RAB39A: variants seen among roughly 807,000 people sequenced by gnomAD.
RAB39A encodes RAB39A, member RAS oncogene family, also known as ras-related protein Rab-39A.
RAB39A carries 17 observed loss-of-function variants against 20.9 expected under a neutral mutation model. The observed-to-expected ratio is 0.81, with a 90% CI of 0.56 to 1.22. RAB39A has a LOEUF of 1.22. Among genes scored for constraint, RAB39A ranks in the 50% most tolerant of loss-of-function variants. The probability of loss-of-function intolerance (pLI) is 0.00; values close to 1 mark genes in which losing one functional copy is unlikely to be tolerated. For synonymous variants in RAB39A, 99 were observed against 103.4 expected, an observed-to-expected ratio of 0.96 and a Z score of 0.26; for missense variants, 234 against 270.5, an observed-to-expected ratio of 0.87 and a Z score of 0.95.
intron 1 of RAB39A, among the ~76,000 whole-genome samples, chr11:107,941,127 T>G (rs930040639): frequency 1.3e-5 from 2 of 152,170 alleles, no homozygotes; most frequent in African/African-American, 4.8e-5. Context: ...CAGTAGCATT[T>G]TCAACATGAT....
rs1412417100 is a variant in RAB39A at position 107,946,424 on chromosome 11, GTGTGTGTGTGTGTATATATA to G, written c.228-15520_228-15501del. 1.9e-3 allele frequency among the ~76,000 whole-genome samples: 37 copies of G among 19,064 alleles called. 1 individual carries two copies. The South Asian group carries it at 0.02, about 10-fold the overall frequency. 12.5% of individuals were successfully genotyped at this position (19,064 alleles called of 152,430 possible). The stretch of plus-strand genomic sequence containing the variant: ...TGTGTGTGTGTGTGTGTGTGTGTGT[GTGTGTGTGTGTGTATATATA>G]TATATATATATATATATTTTTTTTT... On this transcript the variant is annotated intron_variant, in intron 1 of 1. Transcript: ENST00000320578.
chr11:107,946,157 A>AAAACAAACAAAC lies in RAB39A; in HGVS notation c.228-15779_228-15768dup, dbSNP rs542265403. 4.0e-3 allele frequency among the ~76,000 whole-genome samples: 595 copies of AAAACAAACAAAC among 150,164 alleles called. 4 individuals are homozygous for AAAACAAACAAAC. The highest frequency in any genetic ancestry group is 0.014 in the African/African-American group (564 of 41,070). ...ATTTGTCATGTGAAACCTAGGGACC[A>AAAACAAACAAAC]AAACAAACAAACAAACAAACAGGAA... On this transcript the variant is annotated intron_variant, in intron 1 of 1. Transcript: ENST00000320578.
At chr11:107,947,807 CAAAAAAAAAAAAA>C (rs35694249) in intron 1 of RAB39A, among the ~76,000 whole-genome samples, 20 of 80,224 alleles carry the variant, frequency 2.5e-4, no homozygotes, top group East Asian at 2.4e-3. Flanking sequence ...CATCAACAGG[CAAAAAAAAAAAAA>C]AAAAAAAAAA....
Position 107,962,112 on chromosome 11 carries a change from G to T in RAB39A, c.394G>T (p.Ala132Ser). The T allele has an allele frequency of 6.2e-7, 1 of 1,614,126 alleles. No individual in the cohort carries two copies. Among genetic ancestry groups the T allele is most frequent in the Non-Finnish European group, 8.5e-7 (1 of 1,180,022 alleles). Residue 132 changes from alanine to serine, a missense_variant, in exon 2 of 2, where the codon GCT becomes TCT. Physicochemically the swap from Ala to Ser is moderately conservative, Grantham distance 99. Coordinates refer to ENST00000320578, the MANE Select transcript of RAB39A (RefSeq NM_017516.3). Reference sequence around the variant, plus strand: ...GCTAGTGGGACATAAATGTGATTTAGCTTCACAACGTCAAGTTACAAGGGA... The same window carrying T: ...GCTAGTGGGACATAAATGTGATTTATCTTCACAACGTCAAGTTACAAGGGA... ...FLLVGHKCDL[A>S]SQRQVTREEA...
At chr11:107,929,943 C>T (rs986822959) in intron 1 of RAB39A, among the ~76,000 whole-genome samples, 7 of 152,188 alleles carry the variant, frequency 4.6e-5, no homozygotes, top group African/African-American at 1.7e-4. Flanking sequence ...TTGTGAAATG[C>T]AGTGTTCCAT....
intron 1 of RAB39A, among the ~76,000 whole-genome samples, chr11:107,941,059 A>G (rs1861253293): frequency 6.6e-6 from 1 of 152,210 alleles, no homozygotes; most frequent in Non-Finnish European, 1.5e-5. Context: ...AAGAGAAGAC[A>G]TTATGAAGAA....
chr11:107,949,814 C>T (rs1227596539), intron 1 of RAB39A, among the ~76,000 whole-genome samples: 1 of 152,162 alleles, frequency 6.6e-6, no homozygotes, highest in African/African-American at 2.4e-5. Flanking sequence ...TTCTGCCTTC[C>T]AGAATCCACT....
At position 107,928,905 on chromosome 11, in the gene RAB39A, C is replaced by A; in HGVS notation, c.227+110C>A. ...CTGGTCGGGAGAGGCTCTGGCCCTT[C>A]CCTCTCGAAAGTGCAAACACTCCAT... On this transcript the variant is annotated intron_variant, in intron 1 of 1. Coordinates refer to ENST00000320578, the MANE Select transcript of RAB39A (RefSeq NM_017516.3). This position sits in a 1 kb window ranked among gnomAD's most constrained non-coding sequence, Gnocchi z 4.9. The A allele has an allele frequency of 2.3e-6, 2 of 855,016 alleles. No homozygotes were observed. The highest frequency in any genetic ancestry group is 3.4e-6 in the Non-Finnish European group (2 of 583,194). 53.0% of individuals were successfully genotyped at this position (855,016 alleles called of 1,614,324 possible).
intron 1 of RAB39A, among the ~76,000 whole-genome samples, chr11:107,947,822 A>AAAAAAAAAAAAAAAAAAAAAAC (rs1861334415): frequency 6.6e-6 from 1 of 151,442 alleles, no homozygotes; most frequent in Non-Finnish European, 1.5e-5. Context: ...AAAAAAAAAA[A>AAAAAAAAAAAAAAAAAAAAAAC]AAAAAAAAGA....
rs1861110495 is a variant in RAB39A, at chr11:107,928,903, T to G, written c.227+108T>G. On this transcript the variant is annotated intron_variant, in intron 1 of 1. Transcript: ENST00000320578. The surrounding 1 kb of genome is among the most constrained non-coding windows in gnomAD (Gnocchi z 4.9). The stretch of plus-strand genomic sequence containing the variant: ...CCCTGGTCGGGAGAGGCTCTGGCCC[T>G]TCCCTCTCGAAAGTGCAAACACTCC... The G allele has an allele frequency of 1.2e-6, 1 of 866,518 alleles. No individual in the cohort carries two copies. Among genetic ancestry groups the G allele is most frequent in the Non-Finnish European group, 1.7e-6 (1 of 592,328 alleles). The allele number at this position is 866,518 out of a possible 1,614,324, so 53.7% of individuals were successfully genotyped here.
At position 107,928,684 on chromosome 11, in the gene RAB39A, C is replaced by G. The variant is rs761233754; in HGVS notation, c.116C>G (p.Pro39Arg). The change falls in exon 1 of 2, where the codon CCC becomes CGC. Residue 39 changes from proline (P) to arginine (R), a missense_variant. Coordinates refer to ENST00000320578, the MANE Select transcript of RAB39A (RefSeq NM_017516.3). The surrounding 1 kb of genome is among the most constrained non-coding windows in gnomAD (Gnocchi z 4.9). ...TQGRFPGLRS[P>R]ACDPTVGVDF... Reference sequence around the variant, plus strand: ...GGCCGCTTCCCCGGGCTGCGCTCCCCCGCCTGCGACCCCACCGTCGGCGTG... The same window carrying G: ...GGCCGCTTCCCCGGGCTGCGCTCCCGCGCCTGCGACCCCACCGTCGGCGTG... 6.2e-7 allele frequency: 1 copy of G among 1,612,206 alleles called. No homozygotes were observed. The highest frequency in any genetic ancestry group is 8.5e-7 in the Non-Finnish European group (1 of 1,179,074).
intron 1 of RAB39A, among the ~76,000 whole-genome samples, chr11:107,953,522 C>T (rs1295650251): frequency 1.2e-4 from 19 of 152,146 alleles, no homozygotes; most frequent in Admixed American, 1.2e-3. Context: ...CACCCCCTGC[C>T]ATAAGAAGCT....
chr11:107,943,298 G>C (rs371620533), intron 1 of RAB39A, among the ~76,000 whole-genome samples: 1 of 152,014 alleles, frequency 6.6e-6, no homozygotes, highest in Non-Finnish European at 1.5e-5. Flanking sequence ...CAGGCTGGGC[G>C]CAGTGGCTCA....
At chr11:107,946,430 GTGTGTGTATATA>G (rs1431232225) in intron 1 of RAB39A, among the ~76,000 whole-genome samples, 1,320 of 22,790 alleles carry the variant, frequency 0.058, 10 homozygotes, top group East Asian at 0.14. Context: ...GTGTGTGTGT[GTGTGTGTATATA>G]TATATATATA....
At chr11:107,948,798 TC>T (rs1472248319) in intron 1 of RAB39A, among the ~76,000 whole-genome samples, 4 of 152,114 alleles carry the variant, frequency 2.6e-5, no homozygotes, top group Non-Finnish European at 5.9e-5. Flanking sequence ...CTTTTCCTGT[TC>T]CCCCAACTTG....
chr11:107,942,895 C>G (rs1290665150), intron 1 of RAB39A, among the ~76,000 whole-genome samples: 1 of 152,154 alleles, frequency 6.6e-6, no homozygotes, highest in African/African-American at 2.4e-5. Flanking sequence ...CTTCCCATCC[C>G]TGTAGACCCA....
chr11:107,932,229 G>T (rs1258488444), intron 1 of RAB39A, among the ~76,000 whole-genome samples: 1 of 151,890 alleles, frequency 6.6e-6, no homozygotes, highest in African/African-American at 2.4e-5. Flanking sequence ...AAATAAAAAG[G>T]GACAAAATCC....
intron 1 of RAB39A, among the ~76,000 whole-genome samples, chr11:107,960,330 T>C (rs1203120059): frequency 6.6e-6 from 1 of 152,170 alleles, no homozygotes; most frequent in Non-Finnish European, 1.5e-5. Context: ...ATAATCATAA[T>C]GGCAGAATGC....
chr11:107,961,805 G>A (rs1861498492), intron 1 of RAB39A, 141 bp from the exon 2 acceptor site: 2 of 719,370 alleles, frequency 2.8e-6, no homozygotes, highest in Non-Finnish European at 4.4e-6. Flanking sequence ...TTGTTCACTT[G>A]AGATACCTCA....
Sources: allele counts gnomAD v4.1 joint callset (sites outside exome capture counted in the v4.1 genomes callset), GRCh38; gene constraint gnomAD v4.1.1; non-coding constraint Gnocchi (gnomAD v3.1); transcripts MANE v1.5; gene names NCBI Gene and HGNC (gene_info 2026-07-23, HGNC 2026-07-21).